The following CHN2 variants were observed in gnomAD, a reference collection of about 807,000 sequenced individuals.
CHN2 encodes chimerin 2, also known as beta-chimaerin.
Under a neutral mutation model 56.3 loss-of-function variants are expected in CHN2, and 35 were observed. The observed-to-expected ratio is 0.62, with a 90% CI of 0.47 to 0.82. The LOEUF is 0.82. Among genes scored for constraint, CHN2 ranks in the 40% least tolerant of loss-of-function variants. The pLI is 0.00. For missense variants in CHN2, 491 were observed against 580.5 expected (o/e 0.85, Z 1.58); for synonymous variants, 210 against 212.8 (o/e 0.99, Z 0.12).
At chr7:29,210,803 C>T (rs1784857363) in intron 1 of CHN2, among the ~76,000 whole-genome samples, 1 of 151,960 alleles carries the variant, frequency 6.6e-6, no homozygotes, top group African/African-American at 2.4e-5. Flanking sequence ...GCCAGCCATG[C>T]AGATATTTGG....
In CHN2 at chr7:29,298,775, G is replaced by C. The variant is rs141873730; in HGVS notation, c.50-55850G>C. 5.2e-3 allele frequency among the ~76,000 whole-genome samples: 787 copies of C among 152,102 alleles called. 6 individuals are homozygous for C. The highest frequency in any genetic ancestry group is 0.018 in the African/African-American group (758 of 41,496). ...CAAGCAGGTTAGTTTAAAAATGTAG[G>C]CAAAAACTTAAAAACTACTAATGAG... On this transcript the variant is annotated intron_variant, in intron 1 of 12. Transcript: ENST00000222792.
At position 29,396,213 on chromosome 7, in the gene CHN2, C is replaced by T. The variant is rs144624409; in HGVS notation, c.177-2160C>T. Among the ~76,000 whole-genome samples, 506 of 152,134 alleles carry T rather than the reference C, an allele frequency of 3.3e-3. 5 individuals are homozygous for T. The highest frequency in any genetic ancestry group is 0.011 in the African/African-American group (469 of 41,510). On this transcript the variant is annotated intron_variant, in intron 4 of 12. Coordinates refer to ENST00000222792, the MANE Select transcript of CHN2 (RefSeq NM_004067.4). ...ATCCCAGCACTTTGGGAGACCGAGGCGGGTTGATCGCCTGAGTTCAGGAGT... is the reference window on the plus strand; with the variant it reads ...ATCCCAGCACTTTGGGAGACCGAGGTGGGTTGATCGCCTGAGTTCAGGAGT...
chr7:29,388,496 A>AG (rs5883207), intron 3 of CHN2, among the ~76,000 whole-genome samples: 133,713 of 152,078 alleles, frequency 0.88, 59,114 homozygotes, highest in Non-Finnish European at 0.93. Flanking sequence ...TTATTCATTT[A>AG]CTCTTACAAC....
chr7:29,444,876 G>C (rs1226550065), intron 6 of CHN2, among the ~76,000 whole-genome samples: 1 of 152,166 alleles, frequency 6.6e-6, no homozygotes, highest in African/African-American at 2.4e-5. Flanking sequence ...TACATTTTGG[G>C]GGTTGTTAGT....
chr7:29,248,724 A>G (rs1024961539), intron 1 of CHN2, among the ~76,000 whole-genome samples: 14 of 152,186 alleles, frequency 9.2e-5, no homozygotes, highest in Non-Finnish European at 1.6e-4. Flanking sequence ...CTGAACCCTC[A>G]GCAGCATCTA....
chr7:29,164,565 A>G (rs1795642464), intron 2 of CHN2, among the ~76,000 whole-genome samples: 1 of 151,894 alleles, frequency 6.6e-6, no homozygotes, highest in African/African-American at 2.4e-5. Flanking sequence ...CGGGCAGATC[A>G]TTTGAACTCA....
At chr7:29,493,431 T>A (rs1788879678) in intron 7 of CHN2, among the ~76,000 whole-genome samples, 2 of 152,228 alleles carry the variant, frequency 1.3e-5, no homozygotes, top group South Asian at 4.1e-4. Flanking sequence ...TATCATCTAT[T>A]CATCATAGAT....
intron 3 of CHN2, among the ~76,000 whole-genome samples, chr7:29,371,724 T>A (rs541308846): frequency 6.6e-6 from 1 of 152,276 alleles, no homozygotes; most frequent in East Asian, 1.9e-4. Context: ...ATGTTCAGAA[T>A]AGAACTAGGC....
rs944424264 is a variant in CHN2, at chr7:29,395,949, C to T, written c.176+2239C>T. On this transcript the variant is annotated intron_variant, in intron 4 of 12. Transcript: ENST00000222792. ...TTCCAAAATAGCTAAGAGAGGCTTTCGAATGTTCCTAACATAAACAATAAA... is the reference window on the plus strand; with the variant it reads ...TTCCAAAATAGCTAAGAGAGGCTTTTGAATGTTCCTAACATAAACAATAAA... 3.3e-5 allele frequency among the ~76,000 whole-genome samples: 5 copies of T among 152,046 alleles called. No homozygotes were observed. In the East Asian group the frequency reaches 9.6e-4, roughly 29 times the overall value.
intron 1 of CHN2, among the ~76,000 whole-genome samples, chr7:29,316,081 G>A (rs563770792): frequency 1.3e-5 from 2 of 152,280 alleles, no homozygotes; most frequent in South Asian, 2.1e-4. Flanking sequence ...GGCTCAGCAC[G>A]CAGCTGTCAA....
At chr7:29,197,975 T>A in intron 1 of CHN2, 1 of 456,288 alleles carries the variant, frequency 2.2e-6, no homozygotes, top group South Asian at 1.5e-5. Context: ...GGTAAAGGCC[T>A]GGAGATGGGT....
At chr7:29,397,346 T>G (rs963995633) in intron 4 of CHN2, 1 of 152,242 alleles carries the variant, frequency 6.6e-6, no homozygotes, top group Non-Finnish European at 1.5e-5. Flanking sequence ...AAAGAAAATT[T>G]GTCTAGCTTA....
chr7:29,476,970 C>A (rs1285073013), intron 6 of CHN2, among the ~76,000 whole-genome samples: 1 of 152,078 alleles, frequency 6.6e-6, no homozygotes, highest in Admixed American at 6.6e-5. Context: ...AGACGGTCAG[C>A]AAATGTATTA....
chr7:29,508,463 C>T (rs906150929), intron 11 of CHN2, among the ~76,000 whole-genome samples: 1 of 149,946 alleles, frequency 6.7e-6, no homozygotes, highest in African/African-American at 2.5e-5. Flanking sequence ...TTTAGGCATG[C>T]TGTTAAATGT....
intron 1 of CHN2, among the ~76,000 whole-genome samples, chr7:29,336,950 T>A (rs956578043): frequency 1.3e-5 from 2 of 152,058 alleles, no homozygotes; most frequent in African/African-American, 4.8e-5. Flanking sequence ...GAGGTCTTCC[T>A]TGTTAGCTTC....
intron 3 of CHN2, among the ~76,000 whole-genome samples, chr7:29,371,198 T>C (rs1478055635): frequency 6.6e-6 from 1 of 152,114 alleles, no homozygotes; most frequent in Non-Finnish European, 1.5e-5. Context: ...CAGTATTCTC[T>C]GAATGTAAGG....
Position 29,367,882 on chromosome 7 carries a change from A to T in CHN2, c.89-50A>T, listed in dbSNP as rs144064512. 4 of 1,502,732 alleles carry T rather than the reference A, an allele frequency of 2.7e-6. No homozygotes were observed. In the African/African-American group the frequency reaches 5.6e-5, roughly 21 times the overall value. 93.1% of individuals were successfully genotyped at this position (1,502,732 alleles called of 1,614,324 possible). On this transcript the variant is annotated intron_variant, in intron 2 of 12. Transcript: ENST00000222792. ...TTGAAGGCACGTTGATATGTGTTGCAGTATTCTAATTCTAATTATTTCTCT... is the reference window on the plus strand; with the variant it reads ...TTGAAGGCACGTTGATATGTGTTGCTGTATTCTAATTCTAATTATTTCTCT...
intron 1 of CHN2, among the ~76,000 whole-genome samples, chr7:29,250,447 A>G (rs1238762668): frequency 6.6e-6 from 1 of 152,194 alleles, no homozygotes; most frequent in Admixed American, 6.5e-5. Flanking sequence ...TCACCCATGT[A>G]AGGAGTGCAT....
intron 1 of CHN2, among the ~76,000 whole-genome samples, chr7:29,273,371 A>ATATATATGTG (rs1790891617): frequency 2.1e-5 from 1 of 48,656 alleles, no homozygotes; most frequent in Non-Finnish European, 3.7e-5. Context: ...ATATATATAT[A>ATATATATGTG]TATATATATA....
Sources: allele counts gnomAD v4.1 joint callset (sites outside exome capture counted in the v4.1 genomes callset), GRCh38; gene constraint gnomAD v4.1.1; transcripts MANE v1.5; gene names NCBI Gene and HGNC (gene_info 2026-07-23, HGNC 2026-07-21).